WDR90: variants seen among roughly 807,000 people sequenced by gnomAD.
WDR90 encodes WD repeat domain 90, also known as WD repeat-containing protein 90.
A neutral mutation model predicts 195.2 loss-of-function variants in WDR90; 238 were observed. That is an observed-to-expected ratio of 1.22 (90% confidence interval 1.10 to 1.36). The LOEUF is 1.36. Among genes scored for constraint, WDR90 ranks in the 40% most tolerant of loss-of-function variants. WDR90 has a pLI of 0.00. For synonymous variants in WDR90, 1,265 were observed against 1,052.4 expected (o/e 1.20, Z -3.91); for missense variants, 2,734 against 2,439.5 (o/e 1.12, Z -2.54).
In WDR90 at chr16:655,024, T is replaced by C. The variant is rs374800289; in HGVS notation, c.1438-5T>C. 6 of 1,612,150 alleles carry C rather than the reference T, an allele frequency of 3.7e-6. No individual in the cohort carries two copies. Among genetic ancestry groups the C allele is most frequent in the Non-Finnish European group, 5.1e-6 (6 of 1,179,502 alleles). On this transcript the variant is annotated splice_region_variant and splice_polypyrimidine_tract_variant and intron_variant, in intron 13 of 40. Transcript: ENST00000293879. ...CCGTGCGGGCTCAGCCTGGGCTTGT[T>C]GCAGATGGTGGTGGCCTGGGGCACC...
rs761558487 is a variant in WDR90 at position 667,552 on chromosome 16, G to A, written c.5210G>A (p.Arg1737His). The A allele has an allele frequency of 2.5e-6, 4 of 1,611,004 alleles. No individual in the cohort carries two copies. The highest frequency in any genetic ancestry group is 3.4e-6 in the Non-Finnish European group (4 of 1,179,968). Residue 1737 changes from arginine (R) to histidine (H), a missense_variant, in exon 41 of 41, where the codon CGC becomes CAC. Transcript: ENST00000293879. ...PSARLLFTAARNEILVWEVPG... is the reference protein window; with the variant it reads ...PSARLLFTAAHNEILVWEVPG... Reference sequence around the variant, plus strand: ...GCCAGGCTGCTCTTCACGGCCGCCCGCAACGAGATCCTTGTGTGGGAGGTC... The same window carrying A: ...GCCAGGCTGCTCTTCACGGCCGCCCACAACGAGATCCTTGTGTGGGAGGTC...
chr16:649,897 G>A (rs1302160202), intron 2 of WDR90, 43 bp downstream of exon 2: 4 of 1,581,370 alleles, frequency 2.5e-6, no homozygotes, highest in Admixed American at 1.8e-5. Flanking sequence ...CCCCTGCCCT[G>A]CCCCCAGGAG....
chr16:661,447 A>G lies in WDR90; in HGVS notation c.3619A>G (p.Thr1207Ala). ...CCAGCATCTCATTTTCCCCCATAGC[A>G]CCACCGTGCTGGCCCTGGCCTTCTC... ...LCQHLIFPHS[T>A]TVLALAFSPD... The change falls in exon 30 of 41, where the codon ACC (threonine) becomes GCC (alanine). Residue 1207 changes from threonine (T) to alanine (A), a missense_variant. Coordinates refer to ENST00000293879, the MANE Select transcript of WDR90 (RefSeq NM_145294.5). 6.2e-7 allele frequency: 1 copy of G among 1,612,128 alleles called. No homozygotes were observed. The highest frequency in any genetic ancestry group is 2.2e-5 in the East Asian group (1 of 44,828).
chr16:667,543 C>T lies in WDR90; in HGVS notation c.5201C>T (p.Thr1734Met), dbSNP rs559153246. The change falls in exon 41 of 41, where the codon ACG (threonine) becomes ATG (methionine). Residue 1734 changes from threonine to methionine, a missense_variant. By Grantham distance (81) the Thr-to-Met change is moderately conservative. Coordinates refer to ENST00000293879, the MANE Select transcript of WDR90 (RefSeq NM_145294.5). Reference sequence around the variant, plus strand: ...ACACCGTCCGCCAGGCTGCTCTTCACGGCCGCCCGCAACGAGATCCTTGTG... The same window carrying T: ...ACACCGTCCGCCAGGCTGCTCTTCATGGCCGCCCGCAACGAGATCCTTGTG... ...RFTPSARLLF[T>M]AARNEILVWE... 2.0e-5 allele frequency: 32 copies of T among 1,611,662 alleles called. No homozygotes were observed. The highest frequency in any genetic ancestry group is 3.3e-5 in the South Asian group (3 of 91,072).
intron 9 of WDR90, 188 bp downstream of exon 9, chr16:652,227 G>A (rs762157348): frequency 2.1e-5 from 18 of 840,674 alleles, no homozygotes; most frequent in Non-Finnish European, 3.3e-5. Context: ...GAGTAAGGCA[G>A]GGCTTCTGCT....
rs773124211 is a variant in WDR90 at position 658,156 on chromosome 16, C to T, written c.2605-27C>T. ...CACCGGCTCTGCCCAGGGGCCCTGA[C>T]TGTCGGCCACTTACCACTACCCCCA... On this transcript the variant is annotated intron_variant, in intron 21 of 40. Coordinates refer to ENST00000293879, the MANE Select transcript of WDR90 (RefSeq NM_145294.5). 8 of 1,595,250 alleles carry T rather than the reference C, an allele frequency of 5.0e-6. No individual in the cohort carries two copies. The Admixed American group carries it at 1.3e-4, about 27-fold the overall frequency.
At position 650,343 on chromosome 16, in the gene WDR90, G is replaced by A. The variant is rs2037618886; in HGVS notation, c.369G>A (p.Glu123=). The A allele has an allele frequency of 1.9e-6, 3 of 1,612,672 alleles. No individual in the cohort carries two copies. The highest frequency in any genetic ancestry group is 3.3e-5 in the Admixed American group (2 of 60,004). ...GGCTCCAGTTTCCCTTGGTCCTGGA[G>A]GCCAGGACACCTCAGAGAGGTGACA... ...ATWLQFPLVL[E]ARTPQRDLVG... is the part of the protein sequence containing the mutation. The change falls in exon 4 of 41, where the codon GAG becomes GAA. Residue 123 remains glutamate, a synonymous_variant. Coordinates refer to ENST00000293879, the MANE Select transcript of WDR90 (RefSeq NM_145294.5).
chr16:652,526 C>G lies in WDR90; in HGVS notation c.1113C>G (p.Gly371=). ...GCGTCATCGGCTTTGGGGGCCACGG[C>G]ACCAGACAGGTGAGGCTCCTGCGGC... The part of the protein sequence containing the change: ...LKGVIGFGGH[G]TRQALWTPDG... The change falls in exon 10 of 41, where the codon GGC becomes GGG. Residue 371 remains glycine, a synonymous_variant. Transcript: ENST00000293879. 6.2e-7 allele frequency: 1 copy of G among 1,609,042 alleles called. No homozygotes were observed. Among genetic ancestry groups the G allele is most frequent in the Non-Finnish European group, 8.5e-7 (1 of 1,177,426 alleles).
intron 10 of WDR90, 96 bp from the exon 11 acceptor site, chr16:653,245 C>T: frequency 9.4e-7 from 1 of 1,059,492 alleles, no homozygotes. Context: ...GCCACCCCCT[C>T]TCCCTGGGCT....
rs1450148482 is a variant in WDR90 at position 660,699 on chromosome 16, T to G, written c.3376T>G (p.Trp1126Gly). 1.3e-6 allele frequency: 2 copies of G among 1,571,052 alleles called. No individual in the cohort carries two copies. The highest frequency in any genetic ancestry group is 8.6e-7 in the Non-Finnish European group (1 of 1,158,470). ...CGGGAATGGGCGGGCCAACATGGTC[T>G]GGAGGCCGGACACAGGTGGGGGCCA... ...YSGNGRANMV[W>G]RPDTGFFAYT... is the part of the protein sequence containing the mutation. Residue 1126 changes from tryptophan to glycine, a missense_variant, in exon 28 of 41, where the codon TGG (tryptophan) becomes GGG (glycine). Coordinates refer to ENST00000293879, the MANE Select transcript of WDR90 (RefSeq NM_145294.5).
In WDR90 at chr16:655,827, G is replaced by A. The variant is rs370376692; in HGVS notation, c.1904G>A (p.Gly635Asp). Residue 635 changes from glycine (G) to aspartate (D), a missense_variant, in exon 17 of 41, where the codon GGC (glycine) becomes GAC (aspartate). Transcript: ENST00000293879. The stretch of plus-strand genomic sequence containing the variant: ...GTCTCCCCGGCCATGTGTGCTGTGG[G>A]CTCTGAGGACGGCTTCTTGCGGCTC... Reference protein sequence around the residue: ...LSVSPAMCAVGSEDGFLRLWP... With the variant: ...LSVSPAMCAVDSEDGFLRLWP... The A allele has an allele frequency of 1.9e-6, 3 of 1,597,282 alleles. No homozygotes were observed. In the African/African-American group the frequency reaches 4.0e-5, roughly 21 times the overall value.
intron 10 of WDR90, 48 bp from the exon 11 acceptor site, chr16:653,293 G>A (rs778382117): frequency 3.5e-6 from 5 of 1,421,792 alleles, no homozygotes; most frequent in African/African-American, 1.4e-5. Flanking sequence ...GCAGCCAGGA[G>A]GGGCCTGGCG....
In WDR90 at chr16:653,326, GC is replaced by G. The variant is rs2037682291; in HGVS notation, c.1123-10del. 2.7e-6 allele frequency: 4 copies of G among 1,507,906 alleles called. No homozygotes were observed. Among genetic ancestry groups the G allele is most frequent in the Non-Finnish European group, 2.7e-6 (3 of 1,128,586 alleles). The allele number at this position is 1,507,906 out of a possible 1,614,324, so 93.4% of individuals were successfully genotyped here. On this transcript the variant is annotated splice_polypyrimidine_tract_variant and intron_variant, in intron 10 of 40. Transcript: ENST00000293879. ...GCGTAGCACCGGTCCTCAGCCCCCCGCCCCCTTGTGCCAGGCCCTGTGGACC... is the reference window on the plus strand; with the variant it reads ...GCGTAGCACCGGTCCTCAGCCCCCCGCCCCTTGTGCCAGGCCCTGTGGACC...
rs1478369778 is a variant in WDR90, at chr16:661,945, T to A, written c.3919T>A (p.Cys1307Ser). 2.5e-6 allele frequency: 4 copies of A among 1,608,314 alleles called. No individual in the cohort carries two copies. Among genetic ancestry groups the A allele is most frequent in the Non-Finnish European group, 3.4e-6 (4 of 1,179,916 alleles). The change falls in exon 32 of 41, where the codon TGC (cysteine) becomes AGC (serine). Residue 1307 changes from cysteine to serine, a missense_variant. Physicochemically the swap from Cys to Ser is moderately radical, Grantham distance 112 (BLOSUM62 -1). Transcript: ENST00000293879. ...AVGAGELTSL[C>S]YGAPPLLYCG... ...GGGGGCTGGAGAGCTGACCTCGCTCTGCTACGGGGCACCTCCCCTGCTCTA... is the reference window on the plus strand; with the variant it reads ...GGGGGCTGGAGAGCTGACCTCGCTCAGCTACGGGGCACCTCCCCTGCTCTA...
intron 34 of WDR90, 165 bp from the exon 35 acceptor site, chr16:665,514 C>A: frequency 9.2e-7 from 1 of 1,083,202 alleles, no homozygotes; most frequent in Non-Finnish European, 1.4e-6. Flanking sequence ...CAGGGACACA[C>A]ACGGGGGCCG....
chr16:652,316 A>G (rs1305704377), intron 9 of WDR90, 151 bp from the exon 10 acceptor site: 2 of 966,750 alleles, frequency 2.1e-6, no homozygotes, highest in African/African-American at 1.6e-5. Flanking sequence ...CCCAGCTTCC[A>G]CCTTACCACA....
chr16:653,921 C>T (rs1407826783), intron 13 of WDR90, 118 bp downstream of exon 13: 5 of 1,330,284 alleles, frequency 3.8e-6, no homozygotes, highest in African/African-American at 2.9e-5. Flanking sequence ...TGCTCTGTGT[C>T]CTCCCTGTGG....
chr16:666,396 G>T, intron 37 of WDR90, 46 bp downstream of exon 37: 4 of 1,610,496 alleles, frequency 2.5e-6, no homozygotes, highest in Non-Finnish European at 3.4e-6. Flanking sequence ...GGGTGCTGGT[G>T]GGGGCAGGCA....
chr16:654,864 G>A (rs1478075364), intron 13 of WDR90, 165 bp from the exon 14 acceptor site: 1 of 627,496 alleles, frequency 1.6e-6, no homozygotes. Context: ...TTCAGGATGA[G>A]AAGATGGAGG....
Sources: gnomAD v4.1 joint callset for allele counts on GRCh38, gnomAD v4.1.1 for gene constraint, MANE v1.5 for transcripts, NCBI Gene and HGNC (gene_info 2026-07-23, HGNC 2026-07-21) for gene names.